The following MYO6 variants were observed in gnomAD, a reference collection of about 807,000 sequenced individuals.
The protein encoded by MYO6 is myosin VI.
A neutral mutation model predicts 178.7 loss-of-function variants in MYO6; 74 were observed. The ratio of observed to expected loss-of-function variants is 0.41; its 90% CI spans 0.34 to 0.50. MYO6 has a LOEUF of 0.50. Ranked by LOEUF, MYO6 falls within the 20% of genes least tolerant of loss-of-function variation. The probability of loss-of-function intolerance (pLI) is 0.09; values close to 1 mark genes in which losing one functional copy is unlikely to be tolerated. For missense variants in MYO6, 1,330 were observed against 1,547.4 expected, an observed-to-expected ratio of 0.86 and a Z score of 2.36; for synonymous variants, 477 against 504.6, an observed-to-expected ratio of 0.95 and a Z score of 0.73.
At chr6:75,890,023 G>A in intron 25 of MYO6, 34 bp from the exon 26 acceptor site, 1 of 1,459,048 alleles carries the variant, frequency 6.9e-7, no homozygotes, top group Non-Finnish European at 9.6e-7. Flanking sequence ...GAAGAAATAA[G>A]CTTTTACGTA....
At chr6:75,805,234 G>T (rs1410434956) in intron 1 of MYO6, among the ~76,000 whole-genome samples, 1 of 151,588 alleles carries the variant, frequency 6.6e-6, no homozygotes, top group Admixed American at 6.6e-5. Flanking sequence ...GTGTTAGCCA[G>T]GCTGGTCTCG....
intron 1 of MYO6, among the ~76,000 whole-genome samples, chr6:75,778,521 C>A (rs1016942302): frequency 6.6e-6 from 1 of 151,716 alleles, no homozygotes; most frequent in Non-Finnish European, 1.5e-5. Context: ...GGCTTGAACC[C>A]GGGAGGCGGA....
intron 1 of MYO6, among the ~76,000 whole-genome samples, chr6:75,774,607 A>G (rs187548136): frequency 6.6e-6 from 1 of 152,194 alleles, no homozygotes; most frequent in East Asian, 1.9e-4. Flanking sequence ...TTGTCTTCTT[A>G]CCTTTAAAAA....
intron 18 of MYO6, among the ~76,000 whole-genome samples, chr6:75,869,189 A>G (rs895172340): frequency 1.4e-5 from 2 of 146,994 alleles, no homozygotes; most frequent in Non-Finnish European, 1.5e-5. Context: ...CTTTTCAGGC[A>G]TGGTGGTTCA....
intron 13 of MYO6, among the ~76,000 whole-genome samples, chr6:75,857,458 A>G (rs749263985): frequency 1.3e-5 from 2 of 152,218 alleles, no homozygotes; most frequent in Non-Finnish European, 2.9e-5. Context: ...ATTAGTTTTG[A>G]TGATACTAAT....
rs1383741184 is a variant in MYO6, at chr6:75,892,645, C to G, written c.3062C>G (p.Ala1021Gly). 25 of 1,612,750 alleles carry G rather than the reference C, an allele frequency of 1.6e-5. No homozygotes were observed. The highest frequency in any genetic ancestry group is 1.9e-5 in the Non-Finnish European group (23 of 1,180,016). The change falls in exon 28 of 35, where the codon GCC becomes GGC. Residue 1021 changes from alanine to glycine, a missense_variant. Transcript: ENST00000369977. ...ELALRIAQSE[A>G]ELISDEAQAD... ...GCCCTGAGGATTGCCCAGAGTGAAGCCGAGCTCATCAGTGATGAGGCCCAG... is the reference window on the plus strand; with the variant it reads ...GCCCTGAGGATTGCCCAGAGTGAAGGCGAGCTCATCAGTGATGAGGCCCAG...
At position 75,908,503 on chromosome 6, in the gene MYO6, G is replaced by A. The variant is rs1352108154; in HGVS notation, c.3288G>A (p.Glu1096=). 9 of 1,612,868 alleles carry A rather than the reference G, an allele frequency of 5.6e-6. No individual in the cohort carries two copies. The highest frequency in any genetic ancestry group is 1.6e-4 in the Middle Eastern group (1 of 6,074). Residue 1096 remains glutamate (E), a synonymous_variant, in exon 32 of 35, where the codon GAG becomes GAA. Coordinates refer to ENST00000369977, the MANE Select transcript of MYO6 (RefSeq NM_004999.4). ...RDTINTSCDI[E]LLAACREEFH... is the part of the protein sequence containing the mutation. ...GCTCAATGTAATCAATAGATATTGA[G>A]CTCCTGGCAGCTTGCAGAGAAGAAT...
chr6:75,911,200 A>G (rs992281321), intron 32 of MYO6, among the ~76,000 whole-genome samples: 4 of 152,044 alleles, frequency 2.6e-5, no homozygotes, highest in African/African-American at 9.6e-5. Flanking sequence ...TAAAATAAAA[A>G]TGGCATGAGT....
chr6:75,833,654 A>G (rs1773348372), intron 6 of MYO6, among the ~76,000 whole-genome samples: 1 of 151,932 alleles, frequency 6.6e-6, no homozygotes, highest in African/African-American at 2.4e-5. Flanking sequence ...TTTTATTTTT[A>G]TTTTTTAGTA....
rs1778981404 is a variant in MYO6, at chr6:75,892,557, C to G, written c.2974C>G (p.Gln992Glu). 1 of 1,613,894 alleles carries G rather than the reference C, an allele frequency of 6.2e-7. No homozygotes were observed. The highest frequency in any genetic ancestry group is 8.5e-7 in the Non-Finnish European group (1 of 1,180,010). Reference protein sequence around the residue: ...QAEVEAQLARQKEEESQQQAV... With the variant: ...QAEVEAQLAREKEEESQQQAV... ...TGAAGTGGAGGCACAGCTGGCCCGA[C>G]AGAAGGAGGAGGAATCCCAACAGCA... The change falls in exon 28 of 35, where the codon CAG becomes GAG. Residue 992 changes from glutamine to glutamate, a missense_variant. Physicochemically the swap from Gln to Glu is conservative, Grantham distance 29. Around this residue, in one of 3 missense-constraint regions of MYO6, gnomAD observed 601 missense variants for 626.1 expected, o/e 0.96. Transcript: ENST00000369977.
chr6:75,911,813 T>TTTA, intron 33 of MYO6, 115 bp downstream of exon 33: 1 of 928,630 alleles, frequency 1.1e-6, no homozygotes, highest in Non-Finnish European at 1.7e-6. Flanking sequence ...AATTGTAGTG[T>TTTA]GTTAAAGTTG....
At position 75,916,543 on chromosome 6, in the gene MYO6, G is replaced by C. The variant is rs866761919; in HGVS notation, c.*1531G>C. Reference sequence around the variant, plus strand: ...ACTGCATAGCTTCACCCACCCTCGGGTCATTTCGTCCCTGTGATTGGGGAC... The same window carrying C: ...ACTGCATAGCTTCACCCACCCTCGGCTCATTTCGTCCCTGTGATTGGGGAC... On this transcript the variant is annotated 3_prime_UTR_variant, in exon 35 of 35. Coordinates refer to ENST00000369977, the MANE Select transcript of MYO6 (RefSeq NM_004999.4). The C allele has an allele frequency of 2.0e-5, 3 of 152,548 alleles. No individual in the cohort carries two copies. The highest frequency in any genetic ancestry group is 2.9e-5 in the Non-Finnish European group (2 of 68,026). 9.4% of individuals were successfully genotyped at this position (152,548 alleles called of 1,614,324 possible).
chr6:75,790,090 A>G (rs907483524), intron 1 of MYO6, among the ~76,000 whole-genome samples: 53 of 152,160 alleles, frequency 3.5e-4, no homozygotes, highest in African/African-American at 1.3e-3. Flanking sequence ...GTGGCGGAAT[A>G]CTATTTACCT....
chr6:75,829,155 G>A (rs117180501), intron 4 of MYO6, among the ~76,000 whole-genome samples: 2 of 152,212 alleles, frequency 1.3e-5, no homozygotes, highest in East Asian at 1.9e-4. Flanking sequence ...TCATTAGACC[G>A]TAGGTACTCT....
chr6:75,757,784 G>C (rs916227389), intron 1 of MYO6, among the ~76,000 whole-genome samples: 4 of 151,820 alleles, frequency 2.6e-5, no homozygotes, highest in African/African-American at 7.3e-5. Flanking sequence ...TACCTACCTG[G>C]TGTGGTTCTT....
At chr6:75,751,892 A>G (rs1025678839) in intron 1 of MYO6, among the ~76,000 whole-genome samples, 2 of 152,230 alleles carry the variant, frequency 1.3e-5, no homozygotes, top group Non-Finnish European at 2.9e-5. Flanking sequence ...ACCAGTTTTA[A>G]GAAGAGTTTA....
intron 1 of MYO6, among the ~76,000 whole-genome samples, chr6:75,796,777 A>G (rs538078924): frequency 1.3e-5 from 2 of 152,034 alleles, no homozygotes; most frequent in South Asian, 2.1e-4. Flanking sequence ...ATTGGCTCCC[A>G]TCTTTATGTC....
chr6:75,752,432 A>G (rs976241094), intron 1 of MYO6, among the ~76,000 whole-genome samples: 2 of 152,294 alleles, frequency 1.3e-5, no homozygotes, highest in East Asian at 3.9e-4. Context: ...TTCTAGGCTA[A>G]TGGTCTTGTC....
intron 2 of MYO6, among the ~76,000 whole-genome samples, chr6:75,818,079 A>G (rs1043431418): frequency 1.3e-5 from 2 of 152,134 alleles, no homozygotes; most frequent in Non-Finnish European, 1.5e-5. Flanking sequence ...GAGATATCAG[A>G]TTTTGCTTTT....
Sources: gnomAD v4.1 joint callset for allele counts (sites outside exome capture counted in the v4.1 genomes callset) on GRCh38, gnomAD v4.1.1 for gene constraint, gnomAD v4.1.1 regional missense constraint, MANE v1.5 for transcripts, NCBI Gene and HGNC (gene_info 2026-07-23, HGNC 2026-07-21) for gene names.